ADGRV1: variants seen among roughly 807,000 people sequenced by gnomAD.
ADGRV1 encodes adhesion G protein-coupled receptor V1.
In ADGRV1, 359 loss-of-function variants were observed where a neutral mutation model predicts 596.2. The ratio of observed to expected loss-of-function variants is 0.60; its 90% CI spans 0.55 to 0.66. The LOEUF (loss-of-function observed/expected upper bound fraction) is 0.66. Among genes scored for constraint, ADGRV1 ranks in the 30% least tolerant of loss-of-function variants. The pLI, the probability that ADGRV1 is intolerant of heterozygous loss-of-function variation, is 0.00. For synonymous variants in ADGRV1, 2,681 were observed against 2,679.2 expected (o/e 1.00, Z -0.02); for missense variants, 7,274 against 7,575.6 (o/e 0.96, Z 1.48).
intron 1 of ADGRV1, among the ~76,000 whole-genome samples, chr5:90,595,833 G>C (rs566356076): frequency 2.1e-3 from 310 of 148,910 alleles, no homozygotes; most frequent in Middle Eastern, 3.6e-3. Context: ...TGGCCGGGTG[G>C]GCGGCTGACG....
At chr5:90,826,755 A>G (rs567886698) in intron 76 of ADGRV1, among the ~76,000 whole-genome samples, 1 of 152,328 alleles carries the variant, frequency 6.6e-6, no homozygotes, top group South Asian at 2.1e-4. Context: ...TACACCACTC[A>G]TTAATGGCAG....
chr5:90,810,406 C>T lies in ADGRV1; in HGVS notation c.15146C>T (p.Ala5049Val). The T allele has an allele frequency of 6.2e-7, 1 of 1,613,810 alleles. No homozygotes were observed. The highest frequency in any genetic ancestry group is 1.1e-5 in the South Asian group (1 of 91,060). ...KVSYQTTAGS[A>V]KPLEDFEPVQ... The stretch of plus-strand genomic sequence containing the variant: ...TCTTATCAGACCACTGCAGGAAGCG[C>T]CAAGCCACTGGAAGATTTTGAGCCT... The change falls in exon 74 of 90, where the codon GCC becomes GTC. Residue 5049 changes from alanine (A) to valine (V), a missense_variant. Physicochemically the swap from Ala to Val is moderately conservative, Grantham distance 64. This residue lies in a region of ADGRV1 where 1,874 missense variants were observed against 1,970.2 expected (regional missense o/e 0.95). Transcript: ENST00000405460.
intron 83 of ADGRV1, among the ~76,000 whole-genome samples, chr5:90,896,046 T>C (rs1430729099): frequency 6.6e-6 from 1 of 152,028 alleles, no homozygotes; most frequent in Non-Finnish European, 1.5e-5. Context: ...ACTATCAAAA[T>C]GATCAAGCTA....
rs1358395497 is a variant in ADGRV1, at chr5:90,836,816, G to A, written c.16612-3762G>A. On this transcript the variant is annotated intron_variant, in intron 77 of 89. Coordinates refer to ENST00000405460, the MANE Select transcript of ADGRV1 (RefSeq NM_032119.4). ...GTCAGAATAAAAGTTTAAACAATTG[G>A]AAATGACAGTTTCACCTCTCTGGTA... 5.3e-5 allele frequency among the ~76,000 whole-genome samples: 8 copies of A among 152,208 alleles called. No homozygotes were observed. The East Asian group carries it at 1.2e-3, about 22-fold the overall frequency.
At chr5:90,695,664 C>T (rs1747098421) in intron 33 of ADGRV1, among the ~76,000 whole-genome samples, 2 of 148,656 alleles carry the variant, frequency 1.3e-5, no homozygotes, top group African/African-American at 5.1e-5. Context: ...GGTCATGGTA[C>T]ATATGTAATA....
chr5:90,754,506 G>T (rs988459154), intron 54 of ADGRV1, among the ~76,000 whole-genome samples: 12 of 152,146 alleles, frequency 7.9e-5, no homozygotes, highest in African/African-American at 2.9e-4. Context: ...TAAAAGTTAG[G>T]TGCTGTGAAA....
intron 77 of ADGRV1, among the ~76,000 whole-genome samples, chr5:90,832,868 A>G (rs907897771): frequency 2.6e-5 from 4 of 152,110 alleles, no homozygotes; most frequent in African/African-American, 4.8e-5. Flanking sequence ...CCTTTTTCCA[A>G]TGTACGTTCT....
rs145389120 is a variant in ADGRV1, at chr5:90,761,799, G to A, written c.12121-1506G>A. Reference sequence around the variant, plus strand: ...GTGCTTGAGCTTTAATTCATTAGATGTCCATGGCTATTTTGATTGTTGATG... The same window carrying A: ...GTGCTTGAGCTTTAATTCATTAGATATCCATGGCTATTTTGATTGTTGATG... On this transcript the variant is annotated intron_variant, in intron 58 of 89. Coordinates refer to ENST00000405460, the MANE Select transcript of ADGRV1 (RefSeq NM_032119.4). 7.4e-3 allele frequency among the ~76,000 whole-genome samples: 1,127 copies of A among 152,284 alleles called. 4 individuals are homozygous for A. The highest frequency in any genetic ancestry group is 0.012 in the Non-Finnish European group (787 of 68,018).
chr5:90,576,925 G>A (rs116558893), intron 1 of ADGRV1, among the ~76,000 whole-genome samples: 2,081 of 152,290 alleles, frequency 0.014, 19 homozygotes, highest in Non-Finnish European at 0.02. Context: ...TTTGAAAAGT[G>A]TCTGTTCATA....
intron 62 of ADGRV1, 136 bp from the exon 63 acceptor site, chr5:90,778,291 G>C: frequency 3.8e-6 from 3 of 796,386 alleles, no homozygotes; most frequent in South Asian, 3.5e-5. Flanking sequence ...TATTGTGGAG[G>C]TGCCTGTGTA....
chr5:90,765,829 G>A (rs1757056790), intron 59 of ADGRV1, among the ~76,000 whole-genome samples: 1 of 150,834 alleles, frequency 6.6e-6, no homozygotes, highest in Non-Finnish European at 1.5e-5. Flanking sequence ...TTAGCCTCAT[G>A]AGTAACTGGG....
Position 90,854,119 on chromosome 5 carries a change from G to A in ADGRV1, c.17512G>A (p.Val5838Ile), listed in dbSNP as rs727504913. ...ACAACTCCTGACTAATGACAATGAG[G>A]TTCTCTACAGGATTTATGCTGCTGA... is the stretch of plus-strand genomic sequence containing the variant. ...SSQLLTNDNE[V>I]LYRIYAAEPR... The change falls in exon 81 of 90, where the codon GTT becomes ATT. Residue 5838 changes from valine to isoleucine, a missense_variant. Val to Ile is a conservative substitution (Grantham distance 29, BLOSUM62 3). Coordinates refer to ENST00000405460, the MANE Select transcript of ADGRV1 (RefSeq NM_032119.4). The A allele has an allele frequency of 1.9e-6, 3 of 1,579,146 alleles. No homozygotes were observed. The highest frequency in any genetic ancestry group is 2.3e-5 in the East Asian group (1 of 44,006).
intron 29 of ADGRV1, among the ~76,000 whole-genome samples, chr5:90,686,789 C>A (rs1421259829): frequency 6.6e-6 from 1 of 152,124 alleles, no homozygotes; most frequent in African/African-American, 2.4e-5. Context: ...GGAATCGCCA[C>A]GCTGACTTCC....
intron 85 of ADGRV1, among the ~76,000 whole-genome samples, chr5:90,993,932 T>G (rs1452437258): frequency 6.6e-6 from 1 of 152,084 alleles, no homozygotes; most frequent in Non-Finnish European, 1.5e-5. Flanking sequence ...TTTTTTTCTG[T>G]TCCTCAGACA....
intron 85 of ADGRV1, among the ~76,000 whole-genome samples, chr5:91,000,021 TAATC>T (rs892968337): frequency 5.4e-4 from 82 of 152,250 alleles, no homozygotes; most frequent in African/African-American, 1.9e-3. Flanking sequence ...CTTATAAAAT[TAATC>T]AATATTTATT....
chr5:90,744,484 G>A (rs1268206781), intron 50 of ADGRV1, among the ~76,000 whole-genome samples: 2 of 152,148 alleles, frequency 1.3e-5, no homozygotes, highest in Admixed American at 6.5e-5. Flanking sequence ...AATATCAAAT[G>A]TAGGGAAATT....
rs144928124 is a variant in ADGRV1 at position 91,102,800 on chromosome 5, G to A, written c.18432+460G>A. 3.9e-4 allele frequency among the ~76,000 whole-genome samples: 60 copies of A among 152,288 alleles called. 2 individuals carry two copies. In the East Asian group the frequency reaches 0.011, roughly 27 times the overall value. Reference sequence around the variant, plus strand: ...GTGTTTGGTTCACTAAAACATGACTGACATCCCCTAAGTCCAGCAGTGCCC... The same window carrying A: ...GTGTTTGGTTCACTAAAACATGACTAACATCCCCTAAGTCCAGCAGTGCCC... On this transcript the variant is annotated intron_variant, in intron 87 of 89. Transcript: ENST00000405460.
At chr5:90,624,091 G>A (rs1368520049) in intron 5 of ADGRV1, among the ~76,000 whole-genome samples, 1 of 152,056 alleles carries the variant, frequency 6.6e-6, no homozygotes, top group Non-Finnish European at 1.5e-5. Context: ...CAATTCTATG[G>A]TAGCATAGAA....
rs905504505 is a variant in ADGRV1 at position 90,882,307 on chromosome 5, A to T, written c.17856+18450A>T. ...ATCTTTCTCATTAATTTTGAAAGAG[A>T]AGAAAGGAAATATTGAATATTCTGT... On this transcript the variant is annotated intron_variant, in intron 83 of 89. Coordinates refer to ENST00000405460, the MANE Select transcript of ADGRV1 (RefSeq NM_032119.4). Among the ~76,000 whole-genome samples, 7 of 152,306 alleles carry T rather than the reference A, an allele frequency of 4.6e-5. No homozygotes were observed. In the South Asian group the frequency reaches 8.3e-4, roughly 18 times the overall value.
Sources: allele counts gnomAD v4.1 joint callset (sites outside exome capture counted in the v4.1 genomes callset), GRCh38; gene constraint gnomAD v4.1.1; regional missense constraint gnomAD v4.1.1; transcripts MANE v1.5; gene names NCBI Gene and HGNC (gene_info 2026-07-23, HGNC 2026-07-21).